Variants in DLEC1 observed in about 807,000 individuals in gnomAD.
The protein encoded by DLEC1 is DLEC1 cilia and flagella associated protein, also known as deleted in lung and esophageal cancer protein 1.
In DLEC1, 146 loss-of-function variants were observed where a neutral mutation model predicts 198.1. The observed-to-expected ratio is 0.74, with a 90% CI of 0.64 to 0.85. The LOEUF is 0.85. Among genes scored for constraint, DLEC1 ranks in the 40% least tolerant of loss-of-function variants. The probability of loss-of-function intolerance (pLI) is 0.00; values close to 1 mark genes in which losing one functional copy is unlikely to be tolerated. For missense variants in DLEC1, 2,233 were observed against 2,220.0 expected, an observed-to-expected ratio of 1.01 and a Z score of -0.12; for synonymous variants, 897 against 866.8, an observed-to-expected ratio of 1.03 and a Z score of -0.61.
intron 6 of DLEC1, among the ~76,000 whole-genome samples, chr3:38,066,184 A>G (rs1697021011): frequency 6.6e-6 from 1 of 152,226 alleles, no homozygotes; most frequent in Non-Finnish European, 1.5e-5. Context: ...TTCATTCTCT[A>G]TAAAGTTCTT....
intron 23 of DLEC1, among the ~76,000 whole-genome samples, chr3:38,110,856 A>G (rs982852158): frequency 6.6e-6 from 1 of 152,178 alleles, no homozygotes; most frequent in Non-Finnish European, 1.5e-5. Flanking sequence ...ACACACATGC[A>G]TATACACATA....
intron 6 of DLEC1, among the ~76,000 whole-genome samples, chr3:38,076,569 C>T (rs1575153752): frequency 2.0e-5 from 3 of 152,090 alleles, no homozygotes; most frequent in Non-Finnish European, 2.9e-5. Flanking sequence ...TGTCATCACT[C>T]AAGGCAAGGA....
intron 14 of DLEC1, 57 bp downstream of exon 14, chr3:38,096,003 G>T (rs1402697167): frequency 6.2e-7 from 1 of 1,602,738 alleles, no homozygotes; most frequent in African/African-American, 1.3e-5. Context: ...CCCCACCTTG[G>T]GGGTTCTCCT....
At chr3:38,047,478 A>G (rs946127540) in intron 2 of DLEC1, among the ~76,000 whole-genome samples, 2 of 152,238 alleles carry the variant, frequency 1.3e-5, no homozygotes, top group African/African-American at 2.4e-5. Context: ...GAAAATTTGT[A>G]TATCAGAATG....
At chr3:38,120,148 G>A (rs1700375329) in intron 33 of DLEC1, among the ~76,000 whole-genome samples, 1 of 152,200 alleles carries the variant, frequency 6.6e-6, no homozygotes, top group African/African-American at 2.4e-5. Context: ...TCCTTCCTCT[G>A]CCTCTGAGCC....
chr3:38,110,862 A>C (rs1559457623), intron 23 of DLEC1, among the ~76,000 whole-genome samples: 1 of 152,160 alleles, frequency 6.6e-6, no homozygotes, highest in Non-Finnish European at 1.5e-5. Context: ...ATGCATATAC[A>C]CATATACATA....
rs1161340335 is a variant in DLEC1 at position 38,107,623 on chromosome 3, G to A, written c.2904G>A (p.Val968=). 5.6e-6 allele frequency: 9 copies of A among 1,613,730 alleles called. No homozygotes were observed. The highest frequency in any genetic ancestry group is 6.8e-6 in the Non-Finnish European group (8 of 1,179,886). ...ATGCTGAGGTACAGAAGCCCCATGT[G>A]TACCTACAGAGCAGCCAGGTGGAGG... ...PVYAEVQKPH[V]YLQSSQVEVR... Residue 968 remains valine, a synonymous_variant, in exon 20 of 37, where the codon GTG becomes GTA. Transcript: ENST00000308059.
intron 7 of DLEC1, 37 bp downstream of exon 7, chr3:38,084,282 G>GTAATAGTAGTGGTGGTATTAGTAGTAA: frequency 6.4e-7 from 1 of 1,565,118 alleles, no homozygotes; most frequent in South Asian, 1.1e-5. Flanking sequence ...AGTAGTAGTG[G>GTAATAGTAGTGGTGGTATTAGTAGTAA]TAATAGTAGT....
intron 10 of DLEC1, among the ~76,000 whole-genome samples, chr3:38,090,330 T>A (rs1458971036): frequency 6.6e-6 from 1 of 152,244 alleles, no homozygotes; most frequent in Non-Finnish European, 1.5e-5. Context: ...CCAGAGATAG[T>A]CTATGCCCAA....
chr3:38,086,183 T>C, intron 8 of DLEC1, 58 bp from the exon 9 acceptor site: 1 of 1,552,676 alleles, frequency 6.4e-7, no homozygotes, highest in Non-Finnish European at 8.7e-7. Flanking sequence ...AGCATGACAG[T>C]AGGGCCTATT....
intron 25 of DLEC1, 132 bp from the exon 26 acceptor site, chr3:38,114,210 A>G (rs991221818): frequency 5.7e-6 from 4 of 703,954 alleles, no homozygotes; most frequent in South Asian, 3.5e-5. Flanking sequence ...GAGAGAAGAC[A>G]GAGTGGTACA....
chr3:38,082,162 G>A (rs1400594591), intron 6 of DLEC1, among the ~76,000 whole-genome samples: 23 of 147,640 alleles, frequency 1.6e-4, no homozygotes, highest in South Asian at 6.6e-4. Flanking sequence ...CAGATGGGGC[G>A]GCGGGGCAGA....
intron 2 of DLEC1, among the ~76,000 whole-genome samples, chr3:38,058,440 C>T (rs904275026): frequency 5.3e-5 from 8 of 152,102 alleles, no homozygotes; most frequent in African/African-American, 9.7e-5. Context: ...GGCGGCTAGG[C>T]GGCTGTCTTG....
intron 6 of DLEC1, among the ~76,000 whole-genome samples, chr3:38,069,590 A>G (rs2125631042): frequency 6.6e-6 from 1 of 152,282 alleles, no homozygotes; most frequent in Middle Eastern, 3.4e-3. Flanking sequence ...TGCTGAGCCT[A>G]TTATTTTTTT....
chr3:38,073,988 G>T (rs1472829448), intron 6 of DLEC1, among the ~76,000 whole-genome samples: 1 of 152,192 alleles, frequency 6.6e-6, no homozygotes, highest in Admixed American at 6.5e-5. Flanking sequence ...GAGCTTTAGG[G>T]GCTCTAGGAG....
chr3:38,088,863 G>A (rs59815181), intron 10 of DLEC1, among the ~76,000 whole-genome samples: 1 of 152,178 alleles, frequency 6.6e-6, no homozygotes, highest in Non-Finnish European at 1.5e-5. Flanking sequence ...GAAGCTCTCA[G>A]TGGTCTGCCC....
chr3:38,068,353 C>A (rs1697141712), intron 6 of DLEC1, among the ~76,000 whole-genome samples: 3 of 152,182 alleles, frequency 2.0e-5, no homozygotes, highest in African/African-American at 7.2e-5. Context: ...AACTCAGCTT[C>A]CCAAGAAGCT....
rs536559346 is a variant in DLEC1 at position 38,074,978 on chromosome 3, G to A, written c.1174-9180G>A. Among the ~76,000 whole-genome samples, 42 of 152,276 alleles carry A rather than the reference G, an allele frequency of 2.8e-4. No homozygotes were observed. The East Asian group carries it at 2.9e-3, about 10-fold the overall frequency. ...TTGGGCGGGTGGGGAAAAGCTAGTC[G>A]CAGAACTAAACTGTAAGCCGGACCG... On this transcript the variant is annotated intron_variant, in intron 6 of 36. Transcript: ENST00000308059.
intron 23 of DLEC1, among the ~76,000 whole-genome samples, chr3:38,111,213 C>T (rs1051336869): frequency 1.3e-5 from 2 of 152,136 alleles, no homozygotes; most frequent in South Asian, 2.1e-4. Context: ...GGGTGGAAGG[C>T]GACCCATGAA....
Sources: gnomAD v4.1 joint callset for allele counts (sites outside exome capture counted in the v4.1 genomes callset) on GRCh38, gnomAD v4.1.1 for gene constraint, MANE v1.5 for transcripts, NCBI Gene and HGNC (gene_info 2026-07-23, HGNC 2026-07-21) for gene names.